MAST4: variants seen among roughly 807,000 people sequenced by gnomAD.
MAST4 encodes microtubule associated serine/threonine kinase family member 4.
In MAST4, 89 loss-of-function variants were observed where a neutral mutation model predicts 162.7. That is an observed-to-expected ratio of 0.55 (90% CI 0.46 to 0.65). The LOEUF is 0.65. Ranked by LOEUF, MAST4 falls within the 30% of genes least tolerant of loss-of-function variation. MAST4 has a pLI of 0.00. For missense variants in MAST4, 3,153 were observed against 3,374.0 expected, an observed-to-expected ratio of 0.93 and a Z score of 1.62; for synonymous variants, 1,479 against 1,361.1, an observed-to-expected ratio of 1.09 and a Z score of -1.91.
intron 4 of MAST4, among the ~76,000 whole-genome samples, chr5:66,986,208 T>A (rs1749474748): frequency 6.6e-6 from 1 of 151,882 alleles, no homozygotes; most frequent in Non-Finnish European, 1.5e-5. Context: ...GAGGGCAGGG[T>A]CACAGTGGGA....
In MAST4 at chr5:66,653,933, A is replaced by G. The variant is rs6862314; in HGVS notation, c.363+56915A>G. 4.4e-3 allele frequency among the ~76,000 whole-genome samples: 676 copies of G among 152,312 alleles called. 5 individuals are homozygous for G. The highest frequency in any genetic ancestry group is 0.016 in the African/African-American group (656 of 41,566). On this transcript the variant is annotated intron_variant, in intron 1 of 28. Coordinates refer to ENST00000403625, the MANE Select transcript of MAST4 (RefSeq NM_001164664.2). Reference sequence around the variant, plus strand: ...CTGTTTTTTCCTTAGAGCCTGGCATAGTGCTGAACCACATATGTGTCCCAG... The same window carrying G: ...CTGTTTTTTCCTTAGAGCCTGGCATGGTGCTGAACCACATATGTGTCCCAG...
intron 4 of MAST4, among the ~76,000 whole-genome samples, chr5:67,006,757 C>T (rs1752087278): frequency 6.6e-6 from 1 of 152,112 alleles, no homozygotes; most frequent in African/African-American, 2.4e-5. Context: ...TAGGGCAGTA[C>T]CTGTCCAGCC....
intron 4 of MAST4, among the ~76,000 whole-genome samples, chr5:67,013,347 A>G (rs141976263): frequency 6.6e-6 from 1 of 152,298 alleles, no homozygotes; most frequent in African/African-American, 2.4e-5. Flanking sequence ...TGAAAAACCT[A>G]GGTGGAGGGA....
At chr5:66,860,083 T>C (rs903452369) in intron 3 of MAST4, among the ~76,000 whole-genome samples, 1 of 152,252 alleles carries the variant, frequency 6.6e-6, no homozygotes, top group South Asian at 2.1e-4. Flanking sequence ...TTTGGGGTGG[T>C]AGTGAGGAGC....
intron 7 of MAST4, among the ~76,000 whole-genome samples, chr5:67,096,639 C>G (rs976517094): frequency 6.6e-6 from 1 of 152,164 alleles, no homozygotes; most frequent in Non-Finnish European, 1.5e-5. Flanking sequence ...GGTATCACCT[C>G]TGCCTTATAC....
intron 4 of MAST4, among the ~76,000 whole-genome samples, chr5:66,963,333 G>A (rs189750622): frequency 1.3e-5 from 2 of 152,138 alleles, no homozygotes; most frequent in Non-Finnish European, 2.9e-5. Context: ...TAAAAACTAC[G>A]ATATTTCACC....
chr5:67,064,367 C>T (rs368354165), intron 5 of MAST4, among the ~76,000 whole-genome samples: 4 of 152,064 alleles, frequency 2.6e-5, no homozygotes, highest in African/African-American at 4.8e-5. Context: ...CTATCAGGTG[C>T]GTCACAGATG....
chr5:67,156,261 T>C (rs1054311498), intron 26 of MAST4, among the ~76,000 whole-genome samples: 2 of 152,014 alleles, frequency 1.3e-5, no homozygotes, highest in African/African-American at 4.8e-5. Flanking sequence ...AACAAAGCAA[T>C]CTAAGCTTAT....
chr5:66,623,151 A>G (rs937637905), intron 1 of MAST4: 3 of 152,234 alleles, frequency 2.0e-5, no homozygotes, highest in African/African-American at 7.2e-5. Flanking sequence ...GAAGCCCTCA[A>G]ACACAGAGAG....
rs1744182802 is a variant in MAST4 at position 66,623,086 on chromosome 5, C to T, written c.363+26068C>T. 2.0e-5 allele frequency: 3 copies of T among 152,240 alleles called. No homozygotes were observed. In the South Asian group the frequency reaches 6.2e-4, roughly 32 times the overall value. The allele number at this position is 152,240 out of a possible 1,614,324, so 9.4% of individuals were successfully genotyped here. A position where few individuals can be genotyped will look rare whatever the true frequency, so the allele number is the denominator to read the frequency against. ...ATGACCCAGATCCTTTGGGTGAATC[C>T]CTTTTGATCCATAAAGTTATCAAAA... is the stretch of plus-strand genomic sequence containing the variant. On this transcript the variant is annotated intron_variant, in intron 1 of 28. Transcript: ENST00000403625.
intron 2 of MAST4, among the ~76,000 whole-genome samples, chr5:66,782,574 G>A (rs1026146907): frequency 9.2e-5 from 14 of 152,162 alleles, no homozygotes; most frequent in African/African-American, 3.1e-4. Context: ...CTTTAATACA[G>A]ACCTTTATTT....
At chr5:67,047,467 C>T (rs1581332872) in intron 4 of MAST4, among the ~76,000 whole-genome samples, 1 of 152,236 alleles carries the variant, frequency 6.6e-6, no homozygotes, top group Non-Finnish European at 1.5e-5. Context: ...TCCTCTCTCA[C>T]CTCCCCAGTG....
At chr5:66,907,587 CGTGTGTGTGTGT>C (rs59273615) in intron 4 of MAST4, among the ~76,000 whole-genome samples, 4,480 of 144,116 alleles carry the variant, frequency 0.031, 187 homozygotes, top group African/African-American at 0.089. Context: ...TAGGTTGATG[CGTGTGTGTGTGT>C]GTGTGTGTGT....
chr5:66,902,896 G>A (rs180698955), intron 4 of MAST4, among the ~76,000 whole-genome samples: 11 of 152,128 alleles, frequency 7.2e-5, no homozygotes, highest in Middle Eastern at 3.4e-3. Flanking sequence ...TGGAACTAAA[G>A]TTATCACATT....
intron 4 of MAST4, among the ~76,000 whole-genome samples, chr5:67,007,518 G>A (rs10077634): frequency 0.24 from 35,795 of 152,084 alleles, 4,340 homozygotes; most frequent in Admixed American, 0.25. Flanking sequence ...TATCCCATCT[G>A]TTTGTTCTGA....
intron 4 of MAST4, among the ~76,000 whole-genome samples, chr5:66,904,375 G>C (rs182800304): frequency 1.4e-3 from 216 of 152,292 alleles, no homozygotes; most frequent in Non-Finnish European, 2.0e-3. Context: ...TTATACCCTG[G>C]AGAGAGGAGC....
chr5:66,653,181 A>G (rs1011720659), intron 1 of MAST4, among the ~76,000 whole-genome samples: 2 of 152,190 alleles, frequency 1.3e-5, no homozygotes, highest in Non-Finnish European at 2.9e-5. Context: ...CTACCAGGGA[A>G]TGGTAGTGTA....
rs1322893010 is a variant in MAST4 at position 66,703,381 on chromosome 5, A to T, written c.364-56328A>T. The stretch of plus-strand genomic sequence containing the variant: ...TTGACCATCTTATATGTATGCATGG[A>T]TGATCATTGTCATAAAATCACTTTA... On this transcript the variant is annotated intron_variant, in intron 1 of 28. Coordinates refer to ENST00000403625, the MANE Select transcript of MAST4 (RefSeq NM_001164664.2). 5.3e-5 allele frequency among the ~76,000 whole-genome samples: 8 copies of T among 152,314 alleles called. No individual in the cohort carries two copies. The East Asian group carries it at 5.8e-4, about 11-fold the overall frequency.
At chr5:66,793,792 T>G (rs1351407974) in intron 3 of MAST4, among the ~76,000 whole-genome samples, 1 of 152,212 alleles carries the variant, frequency 6.6e-6, no homozygotes, top group Non-Finnish European at 1.5e-5. Context: ...ACCATCCTGT[T>G]TCAAACTGTT....
Sources: gnomAD v4.1 joint callset for allele counts (sites outside exome capture counted in the v4.1 genomes callset) on GRCh38, gnomAD v4.1.1 for gene constraint, MANE v1.5 for transcripts, NCBI Gene and HGNC (gene_info 2026-07-23, HGNC 2026-07-21) for gene names.